The following LY75 variants were observed in gnomAD, a reference collection of about 807,000 sequenced individuals.
LY75 encodes lymphocyte antigen 75.
In LY75, 185 loss-of-function variants were observed where a neutral mutation model predicts 231.7. The observed-to-expected ratio is 0.80, with a 90% CI of 0.71 to 0.90. LY75 has a LOEUF of 0.90. Among genes scored for constraint, LY75 ranks in the 40% least tolerant of loss-of-function variants. The probability of loss-of-function intolerance (pLI) is 0.00; values close to 1 mark genes in which losing one functional copy is unlikely to be tolerated. For missense variants in LY75, 1,947 were observed against 2,050.2 expected, an observed-to-expected ratio of 0.95 and a Z score of 0.97; for synonymous variants, 668 against 689.0, an observed-to-expected ratio of 0.97 and a Z score of 0.48.
chr2:159,854,287 AT>A, intron 18 of LY75, 72 bp downstream of exon 18: 2 of 1,195,784 alleles, frequency 1.7e-6, no homozygotes, highest in East Asian at 3.3e-5. Flanking sequence ...TTTTGGCAAA[AT>A]TTTTGTAATA....
chr2:159,863,444 C>T (rs1171132529), intron 14 of LY75, among the ~76,000 whole-genome samples: 3 of 152,140 alleles, frequency 2.0e-5, no homozygotes, highest in Non-Finnish European at 2.9e-5. Flanking sequence ...TCCCTCTTCT[C>T]CACATCCTTA....
At chr2:159,813,266 C>T (rs757633565) in intron 31 of LY75, among the ~76,000 whole-genome samples, 2 of 151,618 alleles carry the variant, frequency 1.3e-5, no homozygotes, top group African/African-American at 4.8e-5. Flanking sequence ...TTTTATATTC[C>T]TACCAGCAGT....
At chr2:159,831,649 G>T (rs1181692059) in intron 28 of LY75, 21 bp downstream of exon 28, 4 of 1,606,004 alleles carry the variant, frequency 2.5e-6, no homozygotes, top group Non-Finnish European at 2.5e-6. Context: ...AATAGAGAAA[G>T]TTGGCAGATT....
chr2:159,834,343 G>T, intron 26 of LY75, 132 bp from the exon 27 acceptor site: 1 of 1,189,940 alleles, frequency 8.4e-7, no homozygotes, highest in Non-Finnish European at 1.2e-6. Context: ...GCCTGTCTCT[G>T]TTTATACTCA....
chr2:159,828,748 G>A (rs79990528), intron 28 of LY75, among the ~76,000 whole-genome samples: 24,553 of 152,132 alleles, frequency 0.16, 2,292 homozygotes, highest in East Asian at 0.32. Flanking sequence ...TTACCTAAAT[G>A]TCCATCAAGT....
Position 159,881,144 on chromosome 2 carries a change from T to A in LY75, c.1343A>T (p.Asp448Val). Residue 448 changes from aspartate to valine, a missense_variant, in exon 8 of 35, where the codon GAT becomes GTT. Asp to Val is a radical substitution (Grantham distance 152). Coordinates refer to ENST00000263636, the MANE Select transcript of LY75 (RefSeq NM_002349.4). ...DGTEVTLTYW[D>V]ENEPNVPYNK... The stretch of plus-strand genomic sequence containing the variant: ...GTAGGGAACATTTGGCTCATTCTCA[T>A]CCCAATATGTTAGAGTAACTTCAGT... 1 of 1,613,962 alleles carries A rather than the reference T, an allele frequency of 6.2e-7. No homozygotes were observed. The highest frequency in any genetic ancestry group is 8.5e-7 in the Non-Finnish European group (1 of 1,179,888).
At chr2:159,882,876 C>T (rs1030837860) in intron 6 of LY75, among the ~76,000 whole-genome samples, 2 of 152,098 alleles carry the variant, frequency 1.3e-5, no homozygotes, top group African/African-American at 4.8e-5. Flanking sequence ...TACCCCTGGA[C>T]TTCTTTCCTC....
intron 20 of LY75, 137 bp downstream of exon 20, chr2:159,853,136 A>T: frequency 1.2e-6 from 1 of 851,034 alleles, no homozygotes; most frequent in Non-Finnish European, 1.8e-6. Flanking sequence ...AATTTGAGCT[A>T]TTGTTGCTAA....
intron 11 of LY75, among the ~76,000 whole-genome samples, chr2:159,877,366 T>C (rs1349671767): frequency 6.6e-5 from 10 of 152,244 alleles, no homozygotes; most frequent in Admixed American, 3.9e-4. Context: ...ACTGCTGTCT[T>C]ATTCAAAGCC....
intron 1 of LY75, chr2:159,903,621 G>A (rs1387976889): frequency 6.6e-6 from 1 of 152,162 alleles, no homozygotes; most frequent in African/African-American, 2.4e-5. Flanking sequence ...AAGAAAATAA[G>A]AGCCACCAAC....
intron 32 of LY75, among the ~76,000 whole-genome samples, chr2:159,809,264 C>T (rs2556089): frequency 0.93 from 140,931 of 152,278 alleles, 65,391 homozygotes; most frequent in African/African-American, 0.96. Flanking sequence ...CTAGGTAGTT[C>T]CCCTAGAAGT....
intron 33 of LY75, 91 bp downstream of exon 33, chr2:159,808,358 C>T: frequency 6.3e-7 from 1 of 1,599,074 alleles, no homozygotes. Context: ...CTGAATTAGC[C>T]ACTACTTAAC....
chr2:159,884,941 A>G (rs1685539893), intron 6 of LY75, among the ~76,000 whole-genome samples: 1 of 152,116 alleles, frequency 6.6e-6, no homozygotes, highest in Non-Finnish European at 1.5e-5. Context: ...ATACATATTT[A>G]TATTTAATAT....
intron 14 of LY75, among the ~76,000 whole-genome samples, chr2:159,863,773 T>A (rs1240172166): frequency 6.6e-6 from 1 of 152,184 alleles, no homozygotes; most frequent in African/African-American, 2.4e-5. Flanking sequence ...ATAGTCTTCC[T>A]TGGAAGGCCT....
chr2:159,894,534 C>A (rs1211414059), intron 2 of LY75, among the ~76,000 whole-genome samples: 1 of 152,202 alleles, frequency 6.6e-6, no homozygotes, highest in Non-Finnish European at 1.5e-5. Flanking sequence ...TTCCTTGGAA[C>A]CACTGAGGGT....
chr2:159,866,221 A>C (rs923927450), intron 13 of LY75, among the ~76,000 whole-genome samples: 1 of 152,208 alleles, frequency 6.6e-6, no homozygotes, highest in African/African-American at 2.4e-5. Flanking sequence ...GAGAAATATA[A>C]GTGCATTTTA....
At chr2:159,900,164 T>A (rs1435997610) in intron 1 of LY75, among the ~76,000 whole-genome samples, 1 of 152,212 alleles carries the variant, frequency 6.6e-6, no homozygotes, top group Non-Finnish European at 1.5e-5. Context: ...CCTGGCACTT[T>A]GCATGAGCTG....
At chr2:159,853,563 T>TAC (rs1338435332) in intron 19 of LY75, 67 bp downstream of exon 19, 2 of 1,603,622 alleles carry the variant, frequency 1.2e-6, no homozygotes, top group Admixed American at 3.4e-5. Context: ...TAGAAATCCA[T>TAC]TTAGTAAAAG....
chr2:159,807,636 C>G (rs564653671), intron 33 of LY75: 1 of 985,448 alleles, frequency 1.0e-6, no homozygotes, highest in East Asian at 1.1e-4. Flanking sequence ...GAAGTGGCAC[C>G]ACCTTGTGGT....
Sources: gnomAD v4.1 joint callset for allele counts (sites outside exome capture counted in the v4.1 genomes callset) on GRCh38, gnomAD v4.1.1 for gene constraint, MANE v1.5 for transcripts, NCBI Gene and HGNC (gene_info 2026-07-23, HGNC 2026-07-21) for gene names.